Variants in GALNT1 observed in about 807,000 individuals in gnomAD.
GALNT1 encodes GalNAc transferase 1.
A neutral mutation model predicts 65.7 loss-of-function variants in GALNT1; 17 were observed. The ratio of observed to expected loss-of-function variants is 0.26; its 90% CI spans 0.18 to 0.39. The LOEUF is 0.39. Ranked by LOEUF, GALNT1 falls within the 10% of genes least tolerant of loss-of-function variation. The probability of loss-of-function intolerance (pLI) is 1.00; values close to 1 mark genes in which losing one functional copy is unlikely to be tolerated. For synonymous variants in GALNT1, 210 were observed against 219.7 expected, an observed-to-expected ratio of 0.96 and a Z score of 0.39; for missense variants, 460 against 672.8, an observed-to-expected ratio of 0.68 and a Z score of 3.50.
In GALNT1 at chr18:35,711,475, C is replaced by T. The variant is rs573921536; in HGVS notation, c.*1705C>T. 6.6e-6 allele frequency: 1 copy of T among 152,642 alleles called. No homozygotes were observed. Among genetic ancestry groups the T allele is most frequent in the East Asian group, 1.9e-4 (1 of 5,186 alleles). The allele number at this position is 152,642 out of a possible 1,614,324, so 9.5% of individuals were successfully genotyped here. A position where few individuals can be genotyped will look rare whatever the true frequency, so the allele number is the denominator to read the frequency against. ...TAGGGTGAGTCTATAGTACAAAATGCATAAACCATGTCCCCAGGAAATTTG... is the reference window on the plus strand; with the variant it reads ...TAGGGTGAGTCTATAGTACAAAATGTATAAACCATGTCCCCAGGAAATTTG... On this transcript the variant is annotated 3_prime_UTR_variant, in exon 12 of 12. Transcript: ENST00000269195.
chr18:35,584,819 G>T (rs1448115017), intron 1 of GALNT1, among the ~76,000 whole-genome samples: 1 of 152,158 alleles, frequency 6.6e-6, no homozygotes, highest in Non-Finnish European at 1.5e-5. Flanking sequence ...CCGGAAGGAG[G>T]TGGAGCTCAG....
In GALNT1 at chr18:35,689,191, A is replaced by C. The variant is rs959479101; in HGVS notation, c.879A>C (p.Gly293=). The C allele has an allele frequency of 1.0e-5, 16 of 1,606,198 alleles. No homozygotes were observed. The highest frequency in any genetic ancestry group is 1.4e-5 in the Non-Finnish European group (16 of 1,173,220). ...TLPVRTPTMA[G]GLFSIDRDYF... ...ATTTCAGGACACCTACCATGGCAGGAGGCCTTTTTTCAATAGACAGAGATT... is the reference window on the plus strand; with the variant it reads ...ATTTCAGGACACCTACCATGGCAGGCGGCCTTTTTTCAATAGACAGAGATT... Residue 293 remains glycine, a synonymous_variant, in exon 7 of 12, where the codon GGA becomes GGC. Coordinates refer to ENST00000269195, the MANE Select transcript of GALNT1 (RefSeq NM_020474.4).
intron 5 of GALNT1, among the ~76,000 whole-genome samples, chr18:35,686,331 T>C (rs2047867344): frequency 6.6e-6 from 1 of 152,200 alleles, no homozygotes; most frequent in South Asian, 2.1e-4. Context: ...CAGAATTTTC[T>C]TTGAGAGACT....
At chr18:35,655,059 ATGT>A (rs2047364237) in intron 2 of GALNT1, among the ~76,000 whole-genome samples, 1 of 152,134 alleles carries the variant, frequency 6.6e-6, no homozygotes, top group Non-Finnish European at 1.5e-5. Context: ...AAGTTACTTT[ATGT>A]TACTAAATAA....
chr18:35,677,458 TAAATG>T, intron 3 of GALNT1, 128 bp from the exon 4 acceptor site: 2 of 531,822 alleles, frequency 3.8e-6, no homozygotes, highest in Non-Finnish European at 6.5e-6. Flanking sequence ...AACCAAGACT[TAAATG>T]AAAAGGTACC....
At chr18:35,705,385 A>G (rs897417594) in intron 11 of GALNT1, among the ~76,000 whole-genome samples, 2 of 152,180 alleles carry the variant, frequency 1.3e-5, no homozygotes, top group African/African-American at 4.8e-5. Context: ...TTTCTCCACT[A>G]TTAGATTGTT....
At chr18:35,590,047 T>G (rs1013721425) in intron 1 of GALNT1, among the ~76,000 whole-genome samples, 1 of 152,206 alleles carries the variant, frequency 6.6e-6, no homozygotes, top group African/African-American at 2.4e-5. Flanking sequence ...ACTGCTTGAT[T>G]CTTTTTAAAA....
intron 9 of GALNT1, among the ~76,000 whole-genome samples, chr18:35,693,636 A>AGAT (rs914407258): frequency 7.2e-5 from 11 of 152,200 alleles, no homozygotes; most frequent in African/African-American, 2.7e-4. Flanking sequence ...GCCATTACTG[A>AGAT]GATGGGAAAA....
chr18:35,685,251 A>C (rs1314576179), intron 5 of GALNT1, among the ~76,000 whole-genome samples: 1 of 152,168 alleles, frequency 6.6e-6, no homozygotes, highest in African/African-American at 2.4e-5. Context: ...CGTGTAAAAA[A>C]CATATCATGA....
intron 1 of GALNT1, among the ~76,000 whole-genome samples, chr18:35,623,139 C>T (rs1355892237): frequency 6.6e-6 from 1 of 151,986 alleles, no homozygotes; most frequent in Non-Finnish European, 1.5e-5. Context: ...ATATATTTAC[C>T]GTTTCTGGTG....
At chr18:35,663,084 C>G (rs1159472622) in intron 2 of GALNT1, among the ~76,000 whole-genome samples, 3 of 152,004 alleles carry the variant, frequency 2.0e-5, no homozygotes, top group Non-Finnish European at 2.9e-5. Context: ...GAAGAGAAGC[C>G]ATTTTAGTTG....
At chr18:35,687,478 A>G (rs1311915168) in intron 6 of GALNT1, among the ~76,000 whole-genome samples, 1 of 152,142 alleles carries the variant, frequency 6.6e-6, no homozygotes, top group Non-Finnish European at 1.5e-5. Context: ...TCTGTACTTT[A>G]ATTCAGTTAT....
chr18:35,581,073 A>C (rs929617860), upstream of GALNT1: 2 of 152,054 alleles, frequency 1.3e-5, no homozygotes, highest in African/African-American at 4.8e-5. Flanking sequence ...AGCGCGGCTG[A>C]CAGCGCTCCA....
intron 1 of GALNT1, among the ~76,000 whole-genome samples, chr18:35,612,939 T>C (rs1267315775): frequency 2.0e-5 from 3 of 152,182 alleles, no homozygotes; most frequent in Non-Finnish European, 4.4e-5. Context: ...CCATAGTTTC[T>C]TAAAATTTTA....
intron 3 of GALNT1, among the ~76,000 whole-genome samples, chr18:35,667,164 G>C (rs2047561843): frequency 1.3e-5 from 2 of 152,078 alleles, no homozygotes; most frequent in African/African-American, 2.4e-5. Flanking sequence ...CACTAAGATT[G>C]GTCTGTGTGA....
chr18:35,677,837 C>A lies in GALNT1; in HGVS notation c.481+80C>A, dbSNP rs2047732264. 2.9e-6 allele frequency: 3 copies of A among 1,025,280 alleles called. No homozygotes were observed. In the East Asian group the frequency reaches 8.5e-5, roughly 29 times the overall value. 63.5% of individuals were successfully genotyped at this position (1,025,280 alleles called of 1,614,324 possible). A position where few individuals can be genotyped will look rare whatever the true frequency, so the allele number is the denominator to read the frequency against. ...TAAAACTAGTTGCTATAATTTTTAA[C>A]CTAATAATTTTATACAAAATTCTAA... On this transcript the variant is annotated intron_variant, in intron 4 of 11. Coordinates refer to ENST00000269195, the MANE Select transcript of GALNT1 (RefSeq NM_020474.4).
In GALNT1 at chr18:35,709,703, G is replaced by C; in HGVS notation, c.1613G>C (p.Arg538Thr). 2 of 1,614,104 alleles carry C rather than the reference G, an allele frequency of 1.2e-6. No individual in the cohort carries two copies. Among genetic ancestry groups the C allele is most frequent in the Non-Finnish European group, 1.7e-6 (2 of 1,180,002 alleles). Residue 538 changes from arginine (R) to threonine (T), a missense_variant, in exon 12 of 12, where the codon AGA (arginine) becomes ACA (threonine). Coordinates refer to ENST00000269195, the MANE Select transcript of GALNT1 (RefSeq NM_020474.4). ...TEEDSQVPSI[R>T]DCNGSRSQQW... ...GAGGATAGCCAGGTGCCCAGCATTA[G>C]AGACTGCAATGGAAGTCGGTCCCAG...
At chr18:35,583,710 C>T (rs896501400) in intron 1 of GALNT1, among the ~76,000 whole-genome samples, 1 of 152,044 alleles carries the variant, frequency 6.6e-6, no homozygotes, top group African/African-American at 2.4e-5. Flanking sequence ...ACTGAAAACC[C>T]AACAACAACA....
intron 1 of GALNT1, among the ~76,000 whole-genome samples, chr18:35,642,900 C>CA (rs1413922229): frequency 6.6e-6 from 1 of 152,022 alleles, no homozygotes; most frequent in Non-Finnish European, 1.5e-5. Flanking sequence ...CTCTGCCACT[C>CA]ATCTGTATGT....
Sources: gnomAD v4.1 joint callset for allele counts (sites outside exome capture counted in the v4.1 genomes callset) on GRCh38, gnomAD v4.1.1 for gene constraint, MANE v1.5 for transcripts, NCBI Gene and HGNC (gene_info 2026-07-23, HGNC 2026-07-21) for gene names.